The following ZCCHC14 variants were observed in gnomAD, a reference collection of about 807,000 sequenced individuals.
ZCCHC14 encodes the protein zinc finger CCHC-type containing 14, also known as zinc finger CCHC domain-containing protein 14.
ZCCHC14 carries 16 observed loss-of-function variants against 85.0 expected under a neutral mutation model. The observed-to-expected ratio is 0.19, with a 90% confidence interval of 0.13 to 0.29. The LOEUF (loss-of-function observed/expected upper bound fraction) is 0.29, where lower values mean the gene tolerates loss of function less well. Ranked by LOEUF, ZCCHC14 falls within the 10% of genes least tolerant of loss-of-function variation. The pLI, the probability that ZCCHC14 is intolerant of heterozygous loss-of-function variation, is 1.00. For missense variants in ZCCHC14, 1,303 were observed against 1,443.5 expected (o/e 0.90, Z 1.58); for synonymous variants, 775 against 630.7 (o/e 1.23, Z -3.43).
At chr16:87,453,454 C>A (rs1362261335) in intron 2 of ZCCHC14, among the ~76,000 whole-genome samples, 1 of 152,254 alleles carries the variant, frequency 6.6e-6, no homozygotes, top group Non-Finnish European at 1.5e-5. Flanking sequence ...GTTCCCCCGT[C>A]AGTGCCCAGC....
intron 2 of ZCCHC14, among the ~76,000 whole-genome samples, chr16:87,434,487 G>A (rs529948870): frequency 7.9e-5 from 12 of 152,342 alleles, no homozygotes; most frequent in Admixed American, 5.2e-4. Flanking sequence ...CCACCTGGCC[G>A]CGTGCGACGG....
At chr16:87,464,156 C>G (rs1343102866) in intron 1 of ZCCHC14, among the ~76,000 whole-genome samples, 1 of 152,234 alleles carries the variant, frequency 6.6e-6, no homozygotes, top group East Asian at 1.9e-4. Flanking sequence ...CCTCCCAACT[C>G]TCAGCCTGCT....
chr16:87,457,861 C>A (rs1271358031), intron 2 of ZCCHC14, among the ~76,000 whole-genome samples: 3 of 152,156 alleles, frequency 2.0e-5, no homozygotes. Context: ...ACAACAGAAA[C>A]CGCGACCCTC....
At chr16:87,456,013 A>C (rs1291958951) in intron 2 of ZCCHC14, among the ~76,000 whole-genome samples, 2 of 152,206 alleles carry the variant, frequency 1.3e-5, no homozygotes, top group Admixed American at 1.3e-4. Flanking sequence ...CCCCCACTGT[A>C]AGTTGAAAAG....
rs2150728898 is a variant in ZCCHC14, at chr16:87,420,875, C to A, written c.841-159G>T. Among the ~76,000 whole-genome samples the A allele has an allele frequency of 1.3e-5, 2 of 152,342 alleles. No homozygotes were observed. The highest frequency in any genetic ancestry group is 3.4e-3 in the Middle Eastern group (1 of 294). On this transcript the variant is annotated intron_variant, in intron 4 of 12. Transcript: ENST00000671377. The surrounding 1 kb of genome is among the most constrained non-coding windows in gnomAD (Gnocchi z 5.0). The stretch of plus-strand genomic sequence containing the variant: ...TCAGAGCTATTCTGGGGCCCACATC[C>A]ACTTAGGGTGTAGAAAGTCACAAAA...
At chr16:87,440,167 A>ATT (rs957078108) in intron 2 of ZCCHC14, among the ~76,000 whole-genome samples, 10 of 145,222 alleles carry the variant, frequency 6.9e-5, no homozygotes, top group Non-Finnish European at 1.5e-4. Context: ...TATGTTTACA[A>ATT]TTTTTTTTTT....
chr16:87,419,976 T>TA (rs1909007150), intron 5 of ZCCHC14, 99 bp from the exon 6 acceptor site: 1 of 1,031,450 alleles, frequency 9.7e-7, no homozygotes, highest in East Asian at 2.7e-5. Flanking sequence ...AAATGTGTAT[T>TA]AGAGGAAAAA....
At chr16:87,434,666 A>T (rs1168528433) in intron 2 of ZCCHC14, among the ~76,000 whole-genome samples, 2 of 152,226 alleles carry the variant, frequency 1.3e-5, no homozygotes, top group Non-Finnish European at 2.9e-5. Flanking sequence ...ACACAAGGTC[A>T]CGGCCACCTC....
chr16:87,420,551 G>A lies in ZCCHC14; in HGVS notation c.950+56C>T. On this transcript the variant is annotated intron_variant, in intron 5 of 12. Coordinates refer to ENST00000671377, the MANE Select transcript of ZCCHC14 (RefSeq NM_015144.3). This position sits in a 1 kb window ranked among gnomAD's most constrained non-coding sequence, Gnocchi z 5.0. ...TTGGAGGACCACAGCATTGACCACA[G>A]GACCAGCCTGTCCTTGCCAGCTGTG... 6.9e-7 allele frequency: 1 copy of A among 1,448,544 alleles called. No individual in the cohort carries two copies. Among genetic ancestry groups the A allele is most frequent in the Admixed American group, 1.9e-5 (1 of 51,990 alleles). 89.7% of individuals were successfully genotyped at this position (1,448,544 alleles called of 1,614,324 possible).
intron 10 of ZCCHC14, 56 bp from the exon 11 acceptor site, chr16:87,413,251 C>G (rs922297723): frequency 2.7e-6 from 4 of 1,462,196 alleles, no homozygotes; most frequent in Non-Finnish European, 3.6e-6. Flanking sequence ...AGGCTCAGCC[C>G]GCCCCGTGCC....
At chr16:87,425,672 T>C (rs1909334020) in intron 3 of ZCCHC14, among the ~76,000 whole-genome samples, 1 of 152,030 alleles carries the variant, frequency 6.6e-6, no homozygotes, top group African/African-American at 2.4e-5. Context: ...ACCAAAAATC[T>C]TGGGGAGAGG....
chr16:87,431,639 C>T (rs1909668402), intron 3 of ZCCHC14, among the ~76,000 whole-genome samples: 1 of 152,158 alleles, frequency 6.6e-6, no homozygotes, highest in African/African-American at 2.4e-5. Flanking sequence ...AATCAAAGCC[C>T]ACTGTGCTAT....
intron 12 of ZCCHC14, 190 bp downstream of exon 12, chr16:87,411,326 C>T: frequency 6.8e-7 from 1 of 1,474,356 alleles, no homozygotes; most frequent in Non-Finnish European, 9.0e-7. Context: ...ATCATCATGG[C>T]CGTTTTAGAC....
In ZCCHC14 at chr16:87,420,586, G is replaced by A. The variant is rs747516835; in HGVS notation, c.950+21C>T. On this transcript the variant is annotated intron_variant, in intron 5 of 12. Coordinates refer to ENST00000671377, the MANE Select transcript of ZCCHC14 (RefSeq NM_015144.3). The surrounding 1 kb of genome is among the most constrained non-coding windows in gnomAD (Gnocchi z 5.0). Reference sequence around the variant, plus strand: ...GTCCTTGCCAGCTGTGGACGCGCCGGGTGCCTGGTAAGGGCCTCACCTCAG... The same window carrying A: ...GTCCTTGCCAGCTGTGGACGCGCCGAGTGCCTGGTAAGGGCCTCACCTCAG... The A allele has an allele frequency of 1.9e-6, 3 of 1,598,900 alleles. No homozygotes were observed. Among genetic ancestry groups the A allele is most frequent in the East Asian group, 2.2e-5 (1 of 44,616 alleles).
At chr16:87,411,429 A>G (rs777599625) in intron 12 of ZCCHC14, 87 bp downstream of exon 12, 4 of 1,548,772 alleles carry the variant, frequency 2.6e-6, no homozygotes, top group Middle Eastern at 3.5e-4. Flanking sequence ...CTTTACAAAG[A>G]AAGAAGTTTA....
chr16:87,410,977 C>G (rs1908403537), intron 12 of ZCCHC14, among the ~76,000 whole-genome samples: 1 of 152,218 alleles, frequency 6.6e-6, no homozygotes, highest in African/African-American at 2.4e-5. Flanking sequence ...CAAGAAGAAC[C>G]CTATTACAAC....
chr16:87,465,959 A>T (rs1371844910), intron 1 of ZCCHC14, among the ~76,000 whole-genome samples: 1 of 151,970 alleles, frequency 6.6e-6, no homozygotes, highest in Admixed American at 6.6e-5. Context: ...CGGTCTCCGC[A>T]ACGTCCCTTT....
At chr16:87,422,338 G>T (rs1909142663) in intron 4 of ZCCHC14, among the ~76,000 whole-genome samples, 1 of 152,156 alleles carries the variant, frequency 6.6e-6, no homozygotes, top group South Asian at 2.1e-4. Flanking sequence ...GCCGTGGGGC[G>T]GCAGCACCAG....
chr16:87,441,005 T>G (rs914605080), intron 2 of ZCCHC14, among the ~76,000 whole-genome samples: 10 of 138,420 alleles, frequency 7.2e-5, no homozygotes, highest in Non-Finnish European at 1.6e-4. Context: ...TCCCATAAAG[T>G]TTTTTTTTTT....
Sources: allele counts gnomAD v4.1 joint callset (sites outside exome capture counted in the v4.1 genomes callset), GRCh38; gene constraint gnomAD v4.1.1; non-coding constraint Gnocchi (gnomAD v3.1); transcripts MANE v1.5; gene names NCBI Gene and HGNC (gene_info 2026-07-23, HGNC 2026-07-21).